FAM135B: variants seen among roughly 807,000 people sequenced by gnomAD.
FAM135B encodes family with sequence similarity 135 member B.
In FAM135B, 43 loss-of-function variants were observed where a neutral mutation model predicts 127.7. The observed-to-expected ratio is 0.34, with a 90% confidence interval of 0.26 to 0.43. The LOEUF (loss-of-function observed/expected upper bound fraction) is 0.43, where lower values mean the gene tolerates loss of function less well. Among genes scored for constraint, FAM135B ranks in the 20% least tolerant of loss-of-function variants. The pLI, the probability that FAM135B is intolerant of heterozygous loss-of-function variation, is 1.00. For missense variants in FAM135B, 1,558 were observed against 1,725.6 expected, an observed-to-expected ratio of 0.90 and a Z score of 1.72; for synonymous variants, 670 against 665.1, an observed-to-expected ratio of 1.01 and a Z score of -0.11.
chr8:138,362,279 A>ATTT lies in FAM135B; in HGVS notation c.77+5627_77+5628insAAA, dbSNP rs1830467374. 1.6e-5 allele frequency among the ~76,000 whole-genome samples: 2 copies of ATTT among 122,488 alleles called. 1 individual carries two copies. 80.4% of individuals were successfully genotyped at this position (122,488 alleles called of 152,430 possible). A position where few individuals can be genotyped will look rare whatever the true frequency, so the allele number is the denominator to read the frequency against. Reference sequence around the variant, plus strand: ...CTCCCTCTCACCATCCCCCACCCCCATATCTTTTTTTTTTTTTTTTTTTTT... The same window carrying ATTT: ...CTCCCTCTCACCATCCCCCACCCCCATTTTATCTTTTTTTTTTTTTTTTTTTTT... On this transcript the variant is annotated intron_variant, in intron 2 of 19. Coordinates refer to ENST00000395297, the MANE Select transcript of FAM135B (RefSeq NM_015912.4).
intron 12 of FAM135B, among the ~76,000 whole-genome samples, chr8:138,155,746 C>A (rs1369960925): frequency 2.0e-5 from 3 of 152,174 alleles, no homozygotes; most frequent in Non-Finnish European, 4.4e-5. Flanking sequence ...GAAGATCTAA[C>A]TGTCCTAAAT....
At chr8:138,423,416 G>T (rs969630051) in intron 1 of FAM135B, among the ~76,000 whole-genome samples, 1 of 152,112 alleles carries the variant, frequency 6.6e-6, no homozygotes, top group African/African-American at 2.4e-5. Context: ...AGAAATAAAG[G>T]GACAGAGTAC....
intron 1 of FAM135B, among the ~76,000 whole-genome samples, chr8:138,454,215 G>C (rs1322613200): frequency 6.6e-6 from 1 of 152,084 alleles, no homozygotes; most frequent in African/African-American, 2.4e-5. Flanking sequence ...AAGTGTTTAA[G>C]CCATGGACTT....
chr8:138,137,507 G>A (rs1043532254), intron 18 of FAM135B, among the ~76,000 whole-genome samples: 5 of 152,168 alleles, frequency 3.3e-5, no homozygotes, highest in Non-Finnish European at 5.9e-5. Flanking sequence ...CTTTGCGTTT[G>A]TGAGGGGAGA....
intron 1 of FAM135B, among the ~76,000 whole-genome samples, chr8:138,417,115 T>A (rs1177353002): frequency 2.0e-5 from 3 of 152,202 alleles, no homozygotes; most frequent in African/African-American, 7.2e-5. Flanking sequence ...TTGGTGCTCA[T>A]CCTCCTAGGC....
At chr8:138,267,319 A>G (rs1441945006) in intron 3 of FAM135B, among the ~76,000 whole-genome samples, 1 of 152,130 alleles carries the variant, frequency 6.6e-6, no homozygotes, top group Non-Finnish European at 1.5e-5. Context: ...CAAACTTCCA[A>G]TCTCTAGAAC....
intron 1 of FAM135B, among the ~76,000 whole-genome samples, chr8:138,447,420 G>A (rs1379133548): frequency 6.6e-6 from 1 of 151,962 alleles, no homozygotes; most frequent in African/African-American, 2.4e-5. Context: ...GTCCAACAAT[G>A]GTAGACTGGA....
At chr8:138,292,898 A>T (rs1014228571) in intron 3 of FAM135B, among the ~76,000 whole-genome samples, 5 of 152,088 alleles carry the variant, frequency 3.3e-5, no homozygotes, top group Non-Finnish European at 7.4e-5. Flanking sequence ...TTAGAAAAAA[A>T]AATCCTAAAC....
intron 2 of FAM135B, among the ~76,000 whole-genome samples, chr8:138,346,804 AC>A (rs112905403): frequency 0.026 from 4,005 of 152,304 alleles, 165 homozygotes; most frequent in African/African-American, 0.091. Flanking sequence ...CACACCCTGC[AC>A]ATGTACCCTG....
At chr8:138,266,775 TATACACACACACACACATACACACAC>T (rs11268082) in intron 3 of FAM135B, among the ~76,000 whole-genome samples, 106,024 of 140,950 alleles carry the variant, frequency 0.75, 37,565 homozygotes, top group Middle Eastern at 0.79. Flanking sequence ...AATACATATA[TATACACACACACACACATACACACAC>T]ATACACACAC....
At chr8:138,407,634 C>A (rs1364706174) in intron 1 of FAM135B, among the ~76,000 whole-genome samples, 4 of 152,206 alleles carry the variant, frequency 2.6e-5, no homozygotes, top group East Asian at 1.9e-4. Flanking sequence ...CTTTGACAAA[C>A]CTGAGAAAAA....
chr8:138,393,383 T>G (rs76867476), intron 1 of FAM135B, among the ~76,000 whole-genome samples: 5,131 of 151,984 alleles, frequency 0.034, 291 homozygotes, highest in African/African-American at 0.11. Context: ...ATAGGACTTC[T>G]CACAAACTTT....
intron 7 of FAM135B, among the ~76,000 whole-genome samples, chr8:138,224,414 G>C (rs191261651): frequency 2.2e-3 from 331 of 152,204 alleles, no homozygotes; most frequent in African/African-American, 7.8e-3. Context: ...AGGGGCTAGA[G>C]AGAACCAAGA....
intron 1 of FAM135B, among the ~76,000 whole-genome samples, chr8:138,490,541 C>A (rs2131696363): frequency 6.6e-6 from 1 of 152,294 alleles, no homozygotes; most frequent in African/African-American, 2.4e-5. Flanking sequence ...AGCAAGAGAA[C>A]TTCCACCACA....
intron 1 of FAM135B, among the ~76,000 whole-genome samples, chr8:138,449,317 G>C (rs1316004278): frequency 6.6e-6 from 1 of 152,126 alleles, no homozygotes. Context: ...AAGGGATTGA[G>C]GCTGGCCCGG....
intron 1 of FAM135B, among the ~76,000 whole-genome samples, chr8:138,378,295 C>T (rs565659525): frequency 6.6e-5 from 10 of 152,290 alleles, no homozygotes; most frequent in African/African-American, 2.4e-4. Context: ...GTGGCTGAGA[C>T]CCACTGGGTC....
At chr8:138,209,247 T>C (rs916145283) in intron 7 of FAM135B, among the ~76,000 whole-genome samples, 2 of 152,088 alleles carry the variant, frequency 1.3e-5, no homozygotes, top group African/African-American at 4.8e-5. Context: ...AAACACATAA[T>C]TGCAGCACAA....
At chr8:138,350,453 C>T (rs887756902) in intron 2 of FAM135B, among the ~76,000 whole-genome samples, 1 of 152,008 alleles carries the variant, frequency 6.6e-6, no homozygotes, top group African/African-American at 2.4e-5. Flanking sequence ...CCAAGAGATG[C>T]TCACTGGGAC....
chr8:138,369,186 C>T (rs1050067187), intron 1 of FAM135B, among the ~76,000 whole-genome samples: 5 of 152,104 alleles, frequency 3.3e-5, no homozygotes, highest in Non-Finnish European at 5.9e-5. Context: ...TGGCACCTAG[C>T]AGGATCTCAA....
Sources: gnomAD v4.1 joint callset for allele counts (sites outside exome capture counted in the v4.1 genomes callset) on GRCh38, gnomAD v4.1.1 for gene constraint, MANE v1.5 for transcripts, NCBI Gene and HGNC (gene_info 2026-07-23, HGNC 2026-07-21) for gene names.